TBC1D5: variants seen among roughly 807,000 people sequenced by gnomAD.
TBC1D5 encodes the protein TBC1 domain family member 5.
In TBC1D5, 75 loss-of-function variants were observed where a neutral mutation model predicts 100.3. The ratio of observed to expected loss-of-function variants is 0.75; its 90% CI spans 0.62 to 0.91. The LOEUF (loss-of-function observed/expected upper bound fraction) is 0.91, where lower values mean the gene tolerates loss of function less well. Among genes scored for constraint, TBC1D5 ranks in the 40% least tolerant of loss-of-function variants. The probability of loss-of-function intolerance (pLI) is 0.00; values close to 1 mark genes in which losing one functional copy is unlikely to be tolerated. For synonymous variants in TBC1D5, 323 were observed against 325.6 expected (o/e 0.99, Z 0.09); for missense variants, 910 against 942.4 (o/e 0.97, Z 0.45).
intron 10 of TBC1D5, 74 bp from the exon 11 acceptor site, chr3:17,374,753 A>G (rs997282317): frequency 7.9e-5 from 114 of 1,449,006 alleles, no homozygotes; most frequent in Non-Finnish European, 1.0e-4. Flanking sequence ...GCCTTATTCT[A>G]TATAAGACAA....
intron 2 of TBC1D5, among the ~76,000 whole-genome samples, chr3:17,531,269 A>G (rs2096220508): frequency 1.3e-5 from 2 of 152,212 alleles, no homozygotes; most frequent in Non-Finnish European, 2.9e-5. Context: ...TAGGAATCAA[A>G]CTTACAAGGG....
intron 3 of TBC1D5, among the ~76,000 whole-genome samples, chr3:17,506,559 T>C (rs899664413): frequency 7.2e-5 from 11 of 152,180 alleles, no homozygotes; most frequent in African/African-American, 2.7e-4. Context: ...CCTTGTCTCA[T>C]AGAACATCAG....
intron 2 of TBC1D5, among the ~76,000 whole-genome samples, chr3:17,549,311 GATAAA>G (rs904723483): frequency 4.6e-5 from 7 of 152,152 alleles, no homozygotes; most frequent in Non-Finnish European, 8.8e-5. Context: ...AAAAAAATAA[GATAAA>G]ATAAAATAAA....
chr3:17,366,597 T>C (rs927345470), intron 13 of TBC1D5, among the ~76,000 whole-genome samples: 3 of 152,146 alleles, frequency 2.0e-5, no homozygotes, highest in Non-Finnish European at 4.4e-5. Context: ...TAATGTATAA[T>C]ATAAAGCTCA....
chr3:17,401,503 C>T (rs2093651523), intron 8 of TBC1D5, among the ~76,000 whole-genome samples: 1 of 151,932 alleles, frequency 6.6e-6, no homozygotes, highest in South Asian at 2.1e-4. Context: ...CAGAAATGTT[C>T]GAACTACGTA....
intron 18 of TBC1D5, among the ~76,000 whole-genome samples, chr3:17,201,304 C>G (rs2071433546): frequency 1.3e-5 from 2 of 152,178 alleles, no homozygotes; most frequent in African/African-American, 4.8e-5. Flanking sequence ...GGGTGTGCTG[C>G]TTAGTGAACA....
rs745650998 is a variant in TBC1D5 at position 17,406,345 on chromosome 3, T to TA, written c.276+72dup. ...AAAATTCAGTGATCCCCTGCATGGC[T>TA]AATCTTCCAGGGCATCAGGTAATGT... is the stretch of plus-strand genomic sequence containing the variant. On this transcript the variant is annotated intron_variant, in intron 5 of 21. Transcript: ENST00000253692. 1.4e-3 allele frequency: 1,875 copies of TA among 1,347,438 alleles called. 1 individual carries two copies. Among genetic ancestry groups the TA allele is most frequent in the Non-Finnish European group, 1.8e-3 (1,733 of 978,104 alleles). 83.5% of individuals were successfully genotyped at this position (1,347,438 alleles called of 1,614,324 possible).
chr3:17,664,272 A>G (rs1354468571), intron 1 of TBC1D5, among the ~76,000 whole-genome samples: 1 of 152,144 alleles, frequency 6.6e-6, no homozygotes, highest in African/African-American at 2.4e-5. Context: ...GGGTTTCATC[A>G]TATTGGCCAG....
intron 3 of TBC1D5, among the ~76,000 whole-genome samples, chr3:17,455,326 G>A (rs963659346): frequency 1.5e-5 from 2 of 135,460 alleles, no homozygotes; most frequent in East Asian, 2.0e-4. Flanking sequence ...GTGTATATGT[G>A]TATATATGTA....
At chr3:17,572,613 A>G (rs192712913) in intron 2 of TBC1D5, among the ~76,000 whole-genome samples, 26 of 152,204 alleles carry the variant, frequency 1.7e-4, no homozygotes, top group Admixed American at 1.1e-3. Flanking sequence ...TCCCATTTAT[A>G]TATCAACTAC....
chr3:17,384,554 A>G (rs772913734), intron 8 of TBC1D5, among the ~76,000 whole-genome samples: 4 of 152,068 alleles, frequency 2.6e-5, no homozygotes, highest in Non-Finnish European at 5.9e-5. Flanking sequence ...GAAAACCCAC[A>G]GCAACACAAT....
intron 1 of TBC1D5, among the ~76,000 whole-genome samples, chr3:17,709,775 AT>A (rs1329747962): frequency 4.6e-5 from 7 of 152,304 alleles, no homozygotes; most frequent in Admixed American, 3.9e-4. Context: ...GCTGCAAAAT[AT>A]AGGAGTTGCT....
intron 18 of TBC1D5, among the ~76,000 whole-genome samples, chr3:17,201,622 G>A (rs1355628458): frequency 1.3e-5 from 2 of 152,132 alleles, no homozygotes; most frequent in East Asian, 1.9e-4. Context: ...GGAGGTGATT[G>A]GATCATTTGG....
intron 13 of TBC1D5, among the ~76,000 whole-genome samples, chr3:17,310,712 T>A (rs1013257737): frequency 6.6e-5 from 10 of 151,868 alleles, no homozygotes; most frequent in African/African-American, 2.4e-4. Flanking sequence ...CAAAACCACA[T>A]AAGAAAAAAA....
At chr3:17,558,114 A>C (rs181573665) in intron 2 of TBC1D5, among the ~76,000 whole-genome samples, 4 of 152,330 alleles carry the variant, frequency 2.6e-5, no homozygotes, top group Admixed American at 2.6e-4. Context: ...TATAGCTCCC[A>C]AAAACAACAA....
chr3:17,372,052 A>T (rs749523974), intron 13 of TBC1D5, 23 bp downstream of exon 13: 12 of 1,585,800 alleles, frequency 7.6e-6, no homozygotes, highest in Non-Finnish European at 1.0e-5. Flanking sequence ...ACAAACAAAC[A>T]AACAAAGAAC....
chr3:17,692,749 T>G (rs1307135261), intron 1 of TBC1D5, among the ~76,000 whole-genome samples: 1 of 152,236 alleles, frequency 6.6e-6, no homozygotes, highest in Non-Finnish European at 1.5e-5. Flanking sequence ...ACCAGTAAAA[T>G]CAGTTTGCAG....
At chr3:17,328,620 C>T (rs2086488614) in intron 13 of TBC1D5, among the ~76,000 whole-genome samples, 1 of 152,170 alleles carries the variant, frequency 6.6e-6, no homozygotes, top group Non-Finnish European at 1.5e-5. Context: ...ATTTGCAGTG[C>T]TGAGTTGCTA....
At chr3:17,715,930 T>C (rs2075196050) in intron 1 of TBC1D5, among the ~76,000 whole-genome samples, 1 of 152,100 alleles carries the variant, frequency 6.6e-6, no homozygotes, top group Non-Finnish European at 1.5e-5. Context: ...CACATGCCTG[T>C]AGTCCCAGTT....
Sources: allele counts gnomAD v4.1 joint callset (sites outside exome capture counted in the v4.1 genomes callset), GRCh38; gene constraint gnomAD v4.1.1; transcripts MANE v1.5; gene names NCBI Gene and HGNC (gene_info 2026-07-23, HGNC 2026-07-21).